The following NRG3 variants were observed in gnomAD, a reference collection of about 807,000 sequenced individuals.
The protein encoded by NRG3 is pro-neuregulin-3, membrane-bound isoform.
Under a neutral mutation model 66.9 loss-of-function variants are expected in NRG3, and 31 were observed. The observed-to-expected ratio is 0.46, with a 90% confidence interval of 0.35 to 0.63. The LOEUF (loss-of-function observed/expected upper bound fraction) is 0.63. NRG3 is among the 20% of genes least tolerant of loss of function. NRG3 has a pLI of 0.00. For synonymous variants in NRG3, 393 were observed against 359.4 expected (o/e 1.09, Z -1.06); for missense variants, 910 against 878.9 (o/e 1.04, Z -0.45).
chr10:81,913,586 G>A (rs937354481), intron 1 of NRG3, among the ~76,000 whole-genome samples: 1 of 151,970 alleles, frequency 6.6e-6, no homozygotes, highest in African/African-American at 2.4e-5. Flanking sequence ...ATCAGGCCCA[G>A]CTAATTTTTG....
intron 2 of NRG3, among the ~76,000 whole-genome samples, chr10:82,582,232 TAGA>T (rs1256797471): frequency 6.6e-6 from 1 of 152,128 alleles, no homozygotes. Flanking sequence ...AGGTCATGGA[TAGA>T]AGAGCTTCAT....
intron 1 of NRG3, among the ~76,000 whole-genome samples, chr10:82,080,280 G>C (rs2065315145): frequency 6.6e-6 from 1 of 152,112 alleles, no homozygotes; most frequent in Non-Finnish European, 1.5e-5. Flanking sequence ...TAAGGGTTTT[G>C]CCTTGCCTTC....
chr10:82,493,281 T>A (rs1843316311), intron 2 of NRG3, among the ~76,000 whole-genome samples: 1 of 152,098 alleles, frequency 6.6e-6, no homozygotes, highest in Non-Finnish European at 1.5e-5. Flanking sequence ...CTCCCTACCC[T>A]GACCTAACCC....
intron 1 of NRG3, among the ~76,000 whole-genome samples, chr10:82,258,245 G>A (rs1205219437): frequency 6.6e-6 from 1 of 152,136 alleles, no homozygotes; most frequent in Non-Finnish European, 1.5e-5. Flanking sequence ...GGGAATAGAT[G>A]GTGATAATAG....
chr10:82,132,524 T>TATATCATA (rs1564593958), intron 1 of NRG3, among the ~76,000 whole-genome samples: 817 of 20,688 alleles, frequency 0.039, 123 homozygotes, highest in Middle Eastern at 0.11. Flanking sequence ...ATGATATATA[T>TATATCATA]GATATATATA....
chr10:81,944,400 A>C (rs1848661355), intron 1 of NRG3, among the ~76,000 whole-genome samples: 1 of 152,222 alleles, frequency 6.6e-6, no homozygotes, highest in African/African-American at 2.4e-5. Flanking sequence ...CTCAAGAAAT[A>C]TGTCACCATA....
intron 1 of NRG3, among the ~76,000 whole-genome samples, chr10:82,326,164 T>C (rs565316837): frequency 1.6e-4 from 25 of 152,326 alleles, no homozygotes; most frequent in African/African-American, 5.8e-4. Context: ...GAGTAAAGCA[T>C]TGTAGATTAA....
chr10:82,693,622 C>A (rs1199904957), intron 2 of NRG3, among the ~76,000 whole-genome samples: 1 of 152,116 alleles, frequency 6.6e-6, no homozygotes, highest in Non-Finnish European at 1.5e-5. Flanking sequence ...AAAATTGTGT[C>A]CAGAATTTAT....
At chr10:82,787,042 C>T (rs114373887) in intron 3 of NRG3, among the ~76,000 whole-genome samples, 1 of 152,306 alleles carries the variant, frequency 6.6e-6, no homozygotes, top group South Asian at 2.1e-4. Context: ...CTCAAATTTT[C>T]TGTTATTATC....
chr10:82,954,800 TTGTG>T (rs113113874), intron 5 of NRG3, among the ~76,000 whole-genome samples: 2,086 of 147,000 alleles, frequency 0.014, 25 homozygotes, highest in East Asian at 0.036. Context: ...CTGGCACAAG[TTGTG>T]TGTGTGTGTG....
At chr10:82,648,634 A>G (rs539708107) in intron 2 of NRG3, among the ~76,000 whole-genome samples, 1,762 of 152,300 alleles carry the variant, frequency 0.012, 43 homozygotes, top group African/African-American at 0.04. Flanking sequence ...CTTCCTGCCC[A>G]TGAGCATGGA....
intron 1 of NRG3, among the ~76,000 whole-genome samples, chr10:82,049,307 C>G: frequency 6.6e-6 from 1 of 151,932 alleles, no homozygotes; most frequent in Non-Finnish European, 1.5e-5. Context: ...TAAGAGGACC[C>G]TTCATCATTT....
chr10:82,946,774 G>T (rs1322485687), intron 4 of NRG3, among the ~76,000 whole-genome samples: 1 of 152,022 alleles, frequency 6.6e-6, no homozygotes, highest in African/African-American at 2.4e-5. Context: ...GCATATATAT[G>T]ATTTAATTTA....
chr10:82,946,218 A>C (rs1181730226), intron 4 of NRG3, among the ~76,000 whole-genome samples: 2 of 151,620 alleles, frequency 1.3e-5, no homozygotes, highest in East Asian at 3.9e-4. Flanking sequence ...ATTTAAAAAA[A>C]AAAAAAAAAA....
rs58746808 is a variant in NRG3, at chr10:82,517,645, T to TTG, written c.953+158800_953+158801dup. ...TCTCACCCCGCCCCCCCGTGTGTGTTTGTGTGTGTGTGTGTGTGTGTGTGC... is the reference window on the plus strand; with the variant it reads ...TCTCACCCCGCCCCCCCGTGTGTGTTTGTGTGTGTGTGTGTGTGTGTGTGTGC... On this transcript the variant is annotated intron_variant, in intron 2 of 8. Coordinates refer to ENST00000372141, the MANE Select transcript of NRG3 (RefSeq NM_001010848.4). Among the ~76,000 whole-genome samples, 827 of 144,510 alleles carry TTG rather than the reference T, an allele frequency of 5.7e-3. 9 individuals carry two copies. In the South Asian group the frequency reaches 0.062, roughly 11 times the overall value. 94.8% of individuals were successfully genotyped at this position (144,510 alleles called of 152,430 possible). A position where few individuals can be genotyped will look rare whatever the true frequency, so the allele number is the denominator to read the frequency against.
intron 2 of NRG3, among the ~76,000 whole-genome samples, chr10:82,542,435 A>G (rs1475447895): frequency 6.6e-6 from 1 of 152,262 alleles, no homozygotes; most frequent in East Asian, 1.9e-4. Context: ...GTGAAACAAG[A>G]TAAATCTTGA....
intron 1 of NRG3, among the ~76,000 whole-genome samples, chr10:82,200,178 T>C (rs1253809829): frequency 6.6e-6 from 1 of 152,186 alleles, no homozygotes; most frequent in African/African-American, 2.4e-5. Flanking sequence ...TGTGCATTCT[T>C]AGCATTGTGC....
chr10:82,132,656 T>G (rs2069013517), intron 1 of NRG3, among the ~76,000 whole-genome samples: 1 of 150,138 alleles, frequency 6.7e-6, no homozygotes, highest in African/African-American at 2.4e-5. Flanking sequence ...TGGTATTAGT[T>G]CTTCATTAAA....
intron 4 of NRG3, among the ~76,000 whole-genome samples, chr10:82,871,335 T>C (rs1347477351): frequency 6.6e-6 from 1 of 152,074 alleles, no homozygotes; most frequent in Non-Finnish European, 1.5e-5. Flanking sequence ...AGCTTTATAA[T>C]AAGTATTGAA....
Sources: gnomAD v4.1 joint callset for allele counts (sites outside exome capture counted in the v4.1 genomes callset) on GRCh38, gnomAD v4.1.1 for gene constraint, MANE v1.5 for transcripts, NCBI Gene and HGNC (gene_info 2026-07-23, HGNC 2026-07-21) for gene names.